ZNHIT3: variants seen among roughly 807,000 people sequenced by gnomAD.
ZNHIT3 encodes the protein zinc finger HIT-type containing 3.
ZNHIT3 carries 27 observed loss-of-function variants against 19.9 expected under a neutral mutation model. The ratio of observed to expected loss-of-function variants is 1.36; its 90% CI spans 1.00 to 1.87. ZNHIT3 has a LOEUF of 1.87. Among genes scored for constraint, ZNHIT3 ranks in the 40% most tolerant of loss-of-function variants. ZNHIT3 has a pLI of 0.00. For missense variants in ZNHIT3, 215 were observed against 185.6 expected, an observed-to-expected ratio of 1.16 and a Z score of -0.92; for synonymous variants, 81 against 65.7, an observed-to-expected ratio of 1.23 and a Z score of -1.13.
Position 36,495,643 on chromosome 17 carries a change from T to A in ZNHIT3, c.*239T>A. On this transcript the variant is annotated 3_prime_UTR_variant, in exon 5 of 5. Transcript: ENST00000617429. ...AACTTGACATTCAGATGATTGTTTT[T>A]AAATGTTTTACTTTTGGTACAGTTG... 1 of 1,289,354 alleles carries A rather than the reference T, an allele frequency of 7.8e-7. No individual in the cohort carries two copies. Among genetic ancestry groups the A allele is most frequent in the Non-Finnish European group, 9.8e-7 (1 of 1,021,936 alleles). 79.9% of individuals were successfully genotyped at this position (1,289,354 alleles called of 1,614,324 possible).
At chr17:36,488,121 T>G (rs188579640) in intron 2 of ZNHIT3, among the ~76,000 whole-genome samples, 5 of 149,868 alleles carry the variant, frequency 3.3e-5, no homozygotes, top group African/African-American at 1.2e-4. Flanking sequence ...AAGCTTGATG[T>G]AGATTCTTTC....
chr17:36,488,023 G>A (rs2070622170), intron 2 of ZNHIT3, among the ~76,000 whole-genome samples: 1 of 150,588 alleles, frequency 6.6e-6, no homozygotes, highest in African/African-American at 2.5e-5. Flanking sequence ...GCTTGAGCCT[G>A]GGAGGAGGAG....
downstream of ZNHIT3, chr17:36,498,873 A>G (rs1233242734): frequency 1.7e-6 from 1 of 593,942 alleles, no homozygotes; most frequent in East Asian, 2.8e-5. Flanking sequence ...AGTTGCTTAT[A>G]CCACTCTTCA....
intron 4 of ZNHIT3, among the ~76,000 whole-genome samples, chr17:36,494,993 T>C (rs2070855556): frequency 6.6e-6 from 1 of 152,238 alleles, no homozygotes; most frequent in African/African-American, 2.4e-5. Flanking sequence ...ATGCTGGTCT[T>C]ACCTTTCATT....
downstream of ZNHIT3, chr17:36,499,159 G>A: frequency 6.2e-7 from 1 of 1,601,958 alleles, no homozygotes; most frequent in Non-Finnish European, 8.5e-7. Context: ...AGGAACGAAT[G>A]GCTAAGAGGT....
intron 2 of ZNHIT3, among the ~76,000 whole-genome samples, chr17:36,487,623 G>A (rs1567713126): frequency 1.3e-5 from 2 of 151,376 alleles, no homozygotes; most frequent in East Asian, 1.9e-4. Context: ...GTGAAACTCC[G>A]TCTCTACTAA....
rs1439961465 is a variant in ZNHIT3, at chr17:36,495,390, A to G, written c.454A>G (p.Asn152Asp). ...TTTAGGAATTGTGGAGCCATCCCAG[A>G]ATGAGGAGTCTTAAGATGGATTATT... Reference protein sequence around the residue: ...CCLGIVEPSQNEES With the variant: ...CCLGIVEPSQDEES Residue 152 changes from asparagine (N) to aspartate (D), a missense_variant, in exon 5 of 5, where the codon AAT (asparagine) becomes GAT (aspartate). By Grantham distance (23) the Asn-to-Asp change is conservative. Transcript: ENST00000617429. The G allele has an allele frequency of 6.2e-7, 1 of 1,607,524 alleles. No homozygotes were observed. Among genetic ancestry groups the G allele is most frequent in the Non-Finnish European group, 8.5e-7 (1 of 1,177,838 alleles).
At chr17:36,488,989 C>T (rs1178993502) in intron 2 of ZNHIT3, among the ~76,000 whole-genome samples, 4 of 152,212 alleles carry the variant, frequency 2.6e-5, no homozygotes, top group African/African-American at 7.2e-5. Context: ...TCTTCCTAGC[C>T]TCCAGTTACC....
chr17:36,499,307 A>T (rs2071291233), downstream of ZNHIT3: 1 of 536,952 alleles, frequency 1.9e-6, no homozygotes, highest in Non-Finnish European at 3.3e-6. Flanking sequence ...AAGGTTCTAA[A>T]ATCAATACAT....
intron 4 of ZNHIT3, among the ~76,000 whole-genome samples, chr17:36,494,444 G>A (rs994804470): frequency 6.6e-6 from 1 of 152,216 alleles, no homozygotes; most frequent in African/African-American, 2.4e-5. Flanking sequence ...TCAGCTCACA[G>A]TCCAGCCCTT....
intron 2 of ZNHIT3, chr17:36,490,023 C>G (rs2070692166): frequency 1.5e-5 from 2 of 133,404 alleles, no homozygotes; most frequent in Admixed American, 1.7e-4. Flanking sequence ...CAAATATTTT[C>G]TCCCATCCTG....
At chr17:36,498,950 A>C, downstream of ZNHIT3, 1 of 716,890 alleles carries the variant, frequency 1.4e-6, no homozygotes, top group South Asian at 1.6e-5. Context: ...TATGAGGCTC[A>C]GAGAGGCTAA....
At chr17:36,490,852 T>A (rs1352186263) in intron 2 of ZNHIT3, 1 of 152,226 alleles carries the variant, frequency 6.6e-6, no homozygotes, top group African/African-American at 2.4e-5. Context: ...TGCAACAAAG[T>A]CTTGCTCTGT....
chr17:36,495,186 T>C, intron 4 of ZNHIT3, 37 bp from the exon 5 acceptor site: 2 of 1,535,492 alleles, frequency 1.3e-6, no homozygotes. Flanking sequence ...TGTTTCCACT[T>C]GAACTCAGAC....
intron 2 of ZNHIT3, among the ~76,000 whole-genome samples, chr17:36,487,829 C>T (rs1162359570): frequency 6.6e-6 from 1 of 150,638 alleles, no homozygotes; most frequent in East Asian, 2.0e-4. Flanking sequence ...GTAGGTGGGG[C>T]GCGGTGGGTC....
chr17:36,487,874 C>T (rs967687774), intron 2 of ZNHIT3, among the ~76,000 whole-genome samples: 11 of 151,328 alleles, frequency 7.3e-5, no homozygotes, highest in Admixed American at 1.3e-4. Flanking sequence ...GAGGCCGAGG[C>T]GGGCGGATCA....
At chr17:36,497,999 A>G, downstream of ZNHIT3, 1 of 474,168 alleles carries the variant, frequency 2.1e-6, no homozygotes, top group East Asian at 3.3e-5. Flanking sequence ...GCAGCATTGC[A>G]TTTGGAAATG....
Position 36,486,783 on chromosome 17 carries a change from C to G in ZNHIT3, c.84C>G (p.Pro28=). The change falls in exon 1 of 5, where the codon CCC becomes CCG. Residue 28 remains proline (P), a splice_region_variant and synonymous_variant. Transcript: ENST00000617429. The stretch of plus-strand genomic sequence containing the variant: ...ACCGCTGTCCAGCCTGCCGCGTGCC[C>G]TAGTGAGCGGGGAGGTCGCGGGGTC... ...PKYRCPACRV[P]YCSVVCFRKH... 2 of 1,612,618 alleles carry G rather than the reference C, an allele frequency of 1.2e-6. No homozygotes were observed. Among genetic ancestry groups the G allele is most frequent in the Non-Finnish European group, 1.7e-6 (2 of 1,179,470 alleles).
chr17:36,498,527 C>A, downstream of ZNHIT3: 1 of 1,613,546 alleles, frequency 6.2e-7, no homozygotes, highest in South Asian at 1.1e-5. Flanking sequence ...CCACACCATC[C>A]AGCTCTTTAG....
Sources: gnomAD v4.1 joint callset for allele counts (sites outside exome capture counted in the v4.1 genomes callset) on GRCh38, gnomAD v4.1.1 for gene constraint, MANE v1.5 for transcripts, NCBI Gene and HGNC (gene_info 2026-07-23, HGNC 2026-07-21) for gene names.